Variants in HOXB9 observed in about 807,000 individuals in gnomAD.
HOXB9 encodes homeobox protein Hox-B9.
In HOXB9, 10 loss-of-function variants were observed where a neutral mutation model predicts 21.5. The ratio of observed to expected loss-of-function variants is 0.47; its 90% CI spans 0.29 to 0.79. The LOEUF is 0.79. Among genes scored for constraint, HOXB9 ranks in the 30% least tolerant of loss-of-function variants. HOXB9 has a pLI of 0.10. For synonymous variants in HOXB9, 156 were observed against 151.2 expected, an observed-to-expected ratio of 1.03 and a Z score of -0.23; for missense variants, 375 against 338.7, an observed-to-expected ratio of 1.11 and a Z score of -0.84.
In HOXB9 at chr17:48,625,959, C is replaced by T. The variant is rs756026385; in HGVS notation, c.311G>A (p.Arg104His). ...GCCCTGCCCCGGGGCCGCTTCGCCGCGCGGCGCCGGCTCCAGCCAGGTGCG... is the reference window on the plus strand; with the variant it reads ...GCCCTGCCCCGGGGCCGCTTCGCCGTGCGGCGCCGGCTCCAGCCAGGTGCG... ...YLRTWLEPAP[R>H]GEAAPGQGQA... Residue 104 changes from arginine (R) to histidine (H), a missense_variant, in exon 1 of 2, where the codon CGC (arginine) becomes CAC (histidine). Transcript: ENST00000311177. 8.1e-6 allele frequency: 12 copies of T among 1,487,778 alleles called. No individual in the cohort carries two copies. The highest frequency in any genetic ancestry group is 1.1e-5 in the Non-Finnish European group (12 of 1,130,162). The allele number at this position is 1,487,778 out of a possible 1,614,324, so 92.2% of individuals were successfully genotyped here. A position where few individuals can be genotyped will look rare whatever the true frequency, so the allele number is the denominator to read the frequency against.
rs1399505101 is a variant in HOXB9, at chr17:48,623,023, G to A, written c.630C>T (p.Leu210=). ...CCACTTCGTGCCTACGGTCCCTGGT[G>A]AGGTACATATTGAACAGAAACTCCT... ...LEKEFLFNMY[L]TRDRRHEVAR... is the part of the protein sequence containing the mutation. Residue 210 remains leucine (L), a synonymous_variant, in exon 2 of 2, where the codon CTC becomes CTT. Transcript: ENST00000311177. 2.5e-6 allele frequency: 4 copies of A among 1,614,214 alleles called. No homozygotes were observed.
Position 48,626,109 on chromosome 17 carries a change from G to T in HOXB9, c.161C>A (p.Pro54His). 2 of 1,582,146 alleles carry T rather than the reference G, an allele frequency of 1.3e-6. No homozygotes were observed. Among genetic ancestry groups the T allele is most frequent in the Non-Finnish European group, 1.7e-6 (2 of 1,170,740 alleles). ...GGAGGCGCCGAACACCGGCGCTTTG[G>T]GCTGGAAGCTGCACGAGGGGAACTC... ...HLEFPSCSFQ[P>H]KAPVFGASWA... The change falls in exon 1 of 2, where the codon CCC (proline) becomes CAC (histidine). Residue 54 changes from proline to histidine, a missense_variant. By Grantham distance (77) the Pro-to-His change is moderately conservative. Coordinates refer to ENST00000311177, the MANE Select transcript of HOXB9 (RefSeq NM_024017.5).
chr17:48,623,160 C>A, intron 1 of HOXB9, 25 bp from the exon 2 acceptor site: 1 of 1,588,386 alleles, frequency 6.3e-7, no homozygotes, highest in Non-Finnish European at 8.6e-7. Context: ...GCGATAGAAT[C>A]AAAGAAAGGA....
chr17:48,622,203 C>T lies in HOXB9; in HGVS notation c.*697G>A, dbSNP rs1159821553. On this transcript the variant is annotated 3_prime_UTR_variant, in exon 2 of 2. Coordinates refer to ENST00000311177, the MANE Select transcript of HOXB9 (RefSeq NM_024017.5). ...TTTCTTGTACTTTCTAGCCCACCGG[C>T]TTGGGGGCTAGGTTTGCTCCATCTT... 6.6e-6 allele frequency: 1 copy of T among 152,622 alleles called. No individual in the cohort carries two copies. The highest frequency in any genetic ancestry group is 1.5e-5 in the Non-Finnish European group (1 of 68,050). The allele number at this position is 152,622 out of a possible 1,614,324, so 9.5% of individuals were successfully genotyped here.
Position 48,626,132 on chromosome 17 carries a change from C to T in HOXB9, c.138G>A (p.Glu46=). ...TGGGCTGGAAGCTGCACGAGGGGAA[C>T]TCCAGGTGCTCCGCGTGGCCCGGCT... The part of the protein sequence containing the change: ...SRQPGHAEHL[E]FPSCSFQPKA... Residue 46 remains glutamate, a synonymous_variant, in exon 1 of 2, where the codon GAG becomes GAA. Transcript: ENST00000311177. The T allele has an allele frequency of 6.3e-7, 1 of 1,590,560 alleles. No homozygotes were observed. The highest frequency in any genetic ancestry group is 8.5e-7 in the Non-Finnish European group (1 of 1,175,180).
intron 1 of HOXB9, 80 bp downstream of exon 1, chr17:48,625,673 G>T: frequency 2.9e-6 from 4 of 1,396,868 alleles, no homozygotes; most frequent in African/African-American, 1.5e-5. Flanking sequence ...CCTTCACATT[G>T]TCCGCAGTTT....
At chr17:48,625,555 G>A (rs1365985780) in intron 1 of HOXB9, among the ~76,000 whole-genome samples, 198 bp downstream of exon 1, 1 of 152,200 alleles carries the variant, frequency 6.6e-6, no homozygotes, top group Non-Finnish European at 1.5e-5. Context: ...GCGCTCCTCT[G>A]GCGGCCTCAG....
Position 48,623,084 on chromosome 17 carries a change from C to T in HOXB9, c.569G>A (p.Cys190Tyr). 6.2e-7 allele frequency: 1 copy of T among 1,614,088 alleles called. No individual in the cohort carries two copies. Among genetic ancestry groups the T allele is most frequent in the Non-Finnish European group, 8.5e-7 (1 of 1,180,002 alleles). The part of the protein sequence containing the change: ...LHARSSRKKR[C>Y]PYTKYQTLEL... ...CAGCGTCTGGTATTTGGTGTAGGGA[C>T]AGCGCTTTTTCCGGGAAGAGCGAGC... is the stretch of plus-strand genomic sequence containing the variant. Residue 190 changes from cysteine to tyrosine, a missense_variant, in exon 2 of 2, where the codon TGT becomes TAT. Coordinates refer to ENST00000311177, the MANE Select transcript of HOXB9 (RefSeq NM_024017.5).
chr17:48,622,879 A>G lies in HOXB9; in HGVS notation c.*21T>C. 6.4e-7 allele frequency: 1 copy of G among 1,553,264 alleles called. No homozygotes were observed. The highest frequency in any genetic ancestry group is 8.9e-7 in the Non-Finnish European group (1 of 1,125,414). ...GTGAGATGGGGAAGAGCTAGGGAGG[A>G]CTGGGGGTAATCTTTAATCTTTACT... On this transcript the variant is annotated 3_prime_UTR_variant, in exon 2 of 2. Coordinates refer to ENST00000311177, the MANE Select transcript of HOXB9 (RefSeq NM_024017.5).
intron 1 of HOXB9, among the ~76,000 whole-genome samples, chr17:48,625,006 C>T (rs980484797): frequency 1.3e-5 from 2 of 152,218 alleles, no homozygotes; most frequent in African/African-American, 4.8e-5. Context: ...TCGGGAGCCC[C>T]GCAGAGAGCA....
rs981912407 is a variant in HOXB9, at chr17:48,621,255, C to T, written c.*1645G>A. 1.3e-5 allele frequency: 2 copies of T among 152,544 alleles called. No individual in the cohort carries two copies. Among genetic ancestry groups the T allele is most frequent in the Non-Finnish European group, 2.9e-5 (2 of 68,026 alleles). 9.4% of individuals were successfully genotyped at this position (152,544 alleles called of 1,614,324 possible). The stretch of plus-strand genomic sequence containing the variant: ...GCCCCTCGCCCTCCCCACTCCCACC[C>T]AGAACCCTCCCATATAATCGACAAC... On this transcript the variant is annotated 3_prime_UTR_variant, in exon 2 of 2. Coordinates refer to ENST00000311177, the MANE Select transcript of HOXB9 (RefSeq NM_024017.5).
At position 48,626,056 on chromosome 17, in the gene HOXB9, C is replaced by T. The variant is rs767687135; in HGVS notation, c.214G>A (p.Gly72Arg). ...SWAPLSPHAS[G>R]SLPSVYHPYI... ...GGGTGGTAGACGGACGGCAGGCTCCCGGACGCGTGCGGGCTCAGCGGCGCC... is the reference window on the plus strand; with the variant it reads ...GGGTGGTAGACGGACGGCAGGCTCCTGGACGCGTGCGGGCTCAGCGGCGCC... Residue 72 changes from glycine (G) to arginine (R), a missense_variant, in exon 1 of 2, where the codon GGG becomes AGG. Physicochemically the swap from Gly to Arg is moderately radical, Grantham distance 125 (BLOSUM62 -2). Transcript: ENST00000311177. 7.6e-6 allele frequency: 12 copies of T among 1,577,608 alleles called. No homozygotes were observed. Among genetic ancestry groups the T allele is most frequent in the Middle Eastern group, 1.7e-4 (1 of 5,812 alleles).
Position 48,623,105 on chromosome 17 carries a change from C to T in HOXB9, c.548G>A (p.Arg183His), listed in dbSNP as rs201792149. Residue 183 changes from arginine (R) to histidine (H), a missense_variant, in exon 2 of 2, where the codon CGC becomes CAC. Transcript: ENST00000311177. ...TNPSANWLHA[R>H]SSRKKRCPYT... The stretch of plus-strand genomic sequence containing the variant: ...GGGACAGCGCTTTTTCCGGGAAGAG[C>T]GAGCGTGCAGCCAGTTGGCGGAGGG... 2.2e-3 allele frequency: 3,558 copies of T among 1,613,626 alleles called. 90 individuals are homozygous for T. In the South Asian group the frequency reaches 0.036, roughly 16 times the overall value.
chr17:48,624,689 C>A (rs923132033), intron 1 of HOXB9, among the ~76,000 whole-genome samples: 3 of 151,976 alleles, frequency 2.0e-5, no homozygotes, highest in African/African-American at 7.3e-5. Flanking sequence ...CACCAGCCTG[C>A]GAGTCATTGT....
At position 48,625,844 on chromosome 17, in the gene HOXB9, C is replaced by G. The variant is rs773821975; in HGVS notation, c.426G>C (p.Ala142=). ...GATTAGACAGCACGGCCTCCCTGCC[C>G]GCCGAAGTTTCCAAACTGTACTCGG... The part of the protein sequence containing the change: ...GTPEYSLETS[A]GREAVLSNQR... The change falls in exon 1 of 2, where the codon GCG becomes GCC. Residue 142 remains alanine, a synonymous_variant. Transcript: ENST00000311177. 6.2e-7 allele frequency: 1 copy of G among 1,611,906 alleles called. No homozygotes were observed. The highest frequency in any genetic ancestry group is 1.7e-5 in the Admixed American group (1 of 59,860).
chr17:48,624,710 G>C (rs1236420319), intron 1 of HOXB9, among the ~76,000 whole-genome samples: 5 of 152,064 alleles, frequency 3.3e-5, no homozygotes, highest in African/African-American at 1.2e-4. Flanking sequence ...TTGAGGCTGA[G>C]TTCCCTCACC....
At position 48,622,797 on chromosome 17, in the gene HOXB9, C is replaced by A; in HGVS notation, c.*103G>T. 1.2e-6 allele frequency: 1 copy of A among 801,680 alleles called. No individual in the cohort carries two copies. Among genetic ancestry groups the A allele is most frequent in the Non-Finnish European group, 2.0e-6 (1 of 492,458 alleles). The allele number at this position is 801,680 out of a possible 1,614,324, so 49.7% of individuals were successfully genotyped here. A position where few individuals can be genotyped will look rare whatever the true frequency, so the allele number is the denominator to read the frequency against. ...GACTTGGAAGAGAGACTCCCTTCCC[C>A]ATTCACTTGAATACATCCCAGACAG... On this transcript the variant is annotated 3_prime_UTR_variant, in exon 2 of 2. Transcript: ENST00000311177.
Position 48,625,827 on chromosome 17 carries a change from A to C in HOXB9, c.443T>G (p.Leu148Arg). The C allele has an allele frequency of 1.9e-6, 3 of 1,611,080 alleles. No homozygotes were observed. Among genetic ancestry groups the C allele is most frequent in the Non-Finnish European group, 1.7e-6 (2 of 1,178,948 alleles). The stretch of plus-strand genomic sequence containing the variant: ...CCCGTAGCCGGGTCTTTGATTAGAC[A>C]GCACGGCCTCCCTGCCCGCCGAAGT... ...LETSAGREAV[L>R]SNQRPGYGDN... The change falls in exon 1 of 2, where the codon CTG becomes CGG. Residue 148 changes from leucine (L) to arginine (R), a missense_variant. Transcript: ENST00000311177.
rs780443339 is a variant in HOXB9 at position 48,626,204 on chromosome 17, G to C, written c.66C>G (p.Asp22Glu). Residue 22 changes from aspartate to glutamate, a missense_variant, in exon 1 of 2, where the codon GAC (aspartate) becomes GAG (glutamate). Physicochemically the swap from Asp to Glu is conservative, Grantham distance 45 (BLOSUM62 2). Coordinates refer to ENST00000311177, the MANE Select transcript of HOXB9 (RefSeq NM_024017.5). ...CAGAAGGAAACTTGGCTGGAGGCGC[G>C]TCCTCACTCTCGTGACTTATGATCG... is the stretch of plus-strand genomic sequence containing the variant. Reference protein sequence around the residue: ...VDSIISHESEDAPPAKFPSGQ... With the variant: ...VDSIISHESEEAPPAKFPSGQ... The C allele has an allele frequency of 6.9e-6, 11 of 1,599,286 alleles. No individual in the cohort carries two copies. Among genetic ancestry groups the C allele is most frequent in the Non-Finnish European group, 8.5e-6 (10 of 1,179,718 alleles).
Sources: gnomAD v4.1 joint callset for allele counts (sites outside exome capture counted in the v4.1 genomes callset) on GRCh38, gnomAD v4.1.1 for gene constraint, MANE v1.5 for transcripts, NCBI Gene and HGNC (gene_info 2026-07-23, HGNC 2026-07-21) for gene names.